DNAH5: variants seen among roughly 807,000 people sequenced by gnomAD.
The protein encoded by DNAH5 is axonemal beta dynein heavy chain 5.
DNAH5 carries 372 observed loss-of-function variants against 518.2 expected under a neutral mutation model. That is an observed-to-expected ratio of 0.72 (90% CI 0.66 to 0.78). DNAH5 has a LOEUF of 0.78. DNAH5 is among the 30% of genes least tolerant of loss of function. The pLI is 0.00. For missense variants in DNAH5, 5,523 were observed against 5,687.0 expected, an observed-to-expected ratio of 0.97 and a Z score of 0.93; for synonymous variants, 2,039 against 2,025.9, an observed-to-expected ratio of 1.01 and a Z score of -0.17.
intron 44 of DNAH5, among the ~76,000 whole-genome samples, chr5:13,811,217 A>C (rs1468051355): frequency 6.6e-6 from 1 of 152,196 alleles, no homozygotes; most frequent in African/African-American, 2.4e-5. Flanking sequence ...TAACACAAAG[A>C]AATGAAGAAT....
At chr5:13,730,988 G>A (rs1011762671) in intron 68 of DNAH5, among the ~76,000 whole-genome samples, 5 of 152,130 alleles carry the variant, frequency 3.3e-5, no homozygotes, top group African/African-American at 9.7e-5. Flanking sequence ...AAAGGCATGA[G>A]CCACCGCGCC....
At position 13,751,060 on chromosome 5, in the gene DNAH5, G is replaced by C. The variant is rs1261321745; in HGVS notation, c.11211+18C>G. 6.2e-7 allele frequency: 1 copy of C among 1,613,222 alleles called. No individual in the cohort carries two copies. The highest frequency in any genetic ancestry group is 1.1e-5 in the South Asian group (1 of 91,064). ...CATTAAAGCAATGCAGAATGGGAGG[G>C]AGCCACACTTCACTCACCTGCTTCT... is the stretch of plus-strand genomic sequence containing the variant. On this transcript the variant is annotated intron_variant, in intron 65 of 78. Coordinates refer to ENST00000265104, the MANE Select transcript of DNAH5 (RefSeq NM_001369.3).
At position 13,735,146 on chromosome 5, in the gene DNAH5, G is replaced by C. The variant is rs748034227; in HGVS notation, c.11746C>G (p.Leu3916Val). Residue 3916 changes from leucine (L) to valine (V), a missense_variant, in exon 68 of 79, where the codon CTC becomes GTC. Leu to Val is a conservative substitution (Grantham distance 32, BLOSUM62 1). Coordinates refer to ENST00000265104, the MANE Select transcript of DNAH5 (RefSeq NM_001369.3). Reference protein sequence around the residue: ...QRNRVKHEEFLTLIKGGASLD... With the variant: ...QRNRVKHEEFVTLIKGGASLD... Reference sequence around the variant, plus strand: ...TTATATTGACCTTTAATAAGAGTGAGAAACTCTTCATGCTTGACTCGGTTC... The same window carrying C: ...TTATATTGACCTTTAATAAGAGTGACAAACTCTTCATGCTTGACTCGGTTC... 1 of 1,614,010 alleles carries C rather than the reference G, an allele frequency of 6.2e-7. No homozygotes were observed. The highest frequency in any genetic ancestry group is 8.5e-7 in the Non-Finnish European group (1 of 1,179,942).
rs116263441 is a variant in DNAH5 at position 13,886,505 on chromosome 5, T to C, written c.2578-376A>G. Among the ~76,000 whole-genome samples, 405 of 152,368 alleles carry C rather than the reference T, an allele frequency of 2.7e-3. 1 individual carries two copies. The highest frequency in any genetic ancestry group is 6.8e-3 in the South Asian group (33 of 4,830). ...CCAACAAACCATAGTCATCCCCTCA[T>C]TAATTTCAAAGACACTACCCACCCT... On this transcript the variant is annotated intron_variant, in intron 17 of 78. Coordinates refer to ENST00000265104, the MANE Select transcript of DNAH5 (RefSeq NM_001369.3).
Position 13,792,123 on chromosome 5 carries a change from T to A in DNAH5, c.8319A>T (p.Leu2773=). The part of the protein sequence containing the change: ...VTKLVPLTRR[L]WQMTKIKMLP... ...GCATTTTAATCTTGGTCATCTGCCA[T>A]AGTCGGCGTGTCAGAGGCACCAATT... is the stretch of plus-strand genomic sequence containing the variant. The change falls in exon 50 of 79, where the codon CTA becomes CTT. Residue 2773 remains leucine, a synonymous_variant. Coordinates refer to ENST00000265104, the MANE Select transcript of DNAH5 (RefSeq NM_001369.3). 6.2e-7 allele frequency: 1 copy of A among 1,614,044 alleles called. No homozygotes were observed. Among genetic ancestry groups the A allele is most frequent in the Non-Finnish European group, 8.5e-7 (1 of 1,179,976 alleles).
chr5:13,923,954 G>A (rs956117050), intron 3 of DNAH5, among the ~76,000 whole-genome samples: 1 of 152,042 alleles, frequency 6.6e-6, no homozygotes, highest in Non-Finnish European at 1.5e-5. Flanking sequence ...GCTGAGGCAG[G>A]AGAATCACTT....
intron 29 of DNAH5, 51 bp from the exon 30 acceptor site, chr5:13,859,656 G>C: frequency 6.4e-7 from 1 of 1,560,742 alleles, no homozygotes; most frequent in Non-Finnish European, 8.8e-7. Flanking sequence ...TTGTGCTGTT[G>C]TTTCAAATTA....
At chr5:13,884,502 C>G (rs1772104171) in intron 19 of DNAH5, among the ~76,000 whole-genome samples, 2 of 152,126 alleles carry the variant, frequency 1.3e-5, no homozygotes, top group Non-Finnish European at 2.9e-5. Context: ...TTGGGATGAT[C>G]AAAGTTCATA....
intron 21 of DNAH5, among the ~76,000 whole-genome samples, chr5:13,879,066 T>C (rs1052596937): frequency 7.2e-5 from 11 of 152,174 alleles, no homozygotes; most frequent in Non-Finnish European, 1.3e-4. Flanking sequence ...GAGAGGCATC[T>C]TGAAATCTCT....
chr5:13,975,340 C>G (rs1782168056), intron 1 of DNAH5, among the ~76,000 whole-genome samples: 1 of 152,148 alleles, frequency 6.6e-6, no homozygotes, highest in African/African-American at 2.4e-5. Flanking sequence ...CACTGGGTCC[C>G]TCCCACAACA....
Position 13,718,916 on chromosome 5 carries a change from T to C in DNAH5, c.12465A>G (p.Gln4155=), listed in dbSNP as rs34924315. Residue 4155 remains glutamine (Q), a synonymous_variant, in exon 72 of 79, where the codon CAA becomes CAG. Transcript: ENST00000265104. ...MSIKFANDPP[Q]GLRAGLKRTY... is the part of the protein sequence containing the mutation. ...TTCTTTTCAGTCCTGCCCGGAGTCCTTGTGGAGGATCGTTGGCAAATTTAA... is the reference window on the plus strand; with the variant it reads ...TTCTTTTCAGTCCTGCCCGGAGTCCCTGTGGAGGATCGTTGGCAAATTTAA... 947 of 1,614,162 alleles carry C rather than the reference T, an allele frequency of 5.9e-4. 2 individuals are homozygous for C. In the African/African-American group the frequency reaches 0.012, roughly 20 times the overall value.
At chr5:13,791,813 TTGAC>T (rs1757041026) in intron 50 of DNAH5, among the ~76,000 whole-genome samples, 177 bp downstream of exon 50, 3 of 152,222 alleles carry the variant, frequency 2.0e-5, no homozygotes, top group South Asian at 2.1e-4. Context: ...GAATTTATCA[TTGAC>T]TGACATTTTC....
At chr5:13,698,997 C>T (rs1411526169) in intron 78 of DNAH5, among the ~76,000 whole-genome samples, 1 of 152,066 alleles carries the variant, frequency 6.6e-6, no homozygotes, top group African/African-American at 2.4e-5. Flanking sequence ...GGCTATCACC[C>T]CTGTTTGCGA....
chr5:13,900,081 G>C (rs1774388747), intron 15 of DNAH5, 125 bp downstream of exon 15: 5 of 880,162 alleles, frequency 5.7e-6, no homozygotes, highest in Non-Finnish European at 9.0e-6. Flanking sequence ...CCATGGCACT[G>C]TCCCCTCAGT....
intron 75 of DNAH5, among the ~76,000 whole-genome samples, chr5:13,713,312 T>C (rs1743795829): frequency 6.8e-6 from 1 of 146,130 alleles, no homozygotes; most frequent in South Asian, 2.1e-4. Flanking sequence ...CATATATATA[T>C]ACCGACATAT....
At chr5:13,978,619 T>C (rs901466651) in intron 1 of DNAH5, among the ~76,000 whole-genome samples, 4 of 152,244 alleles carry the variant, frequency 2.6e-5, no homozygotes, top group East Asian at 1.9e-4. Flanking sequence ...ATGCCTTTTC[T>C]ATGTTTAGAT....
At chr5:13,921,756 C>CCG (rs562419104) in intron 5 of DNAH5, among the ~76,000 whole-genome samples, 1 of 145,156 alleles carries the variant, frequency 6.9e-6, no homozygotes, top group Non-Finnish European at 1.5e-5. Flanking sequence ...ACACACCCCC[C>CCG]CACACACACA....
At chr5:14,005,103 CT>C (rs1043388183) in intron 1 of DNAH5, among the ~76,000 whole-genome samples, 6 of 152,092 alleles carry the variant, frequency 3.9e-5, no homozygotes, top group African/African-American at 1.5e-4. Context: ...TCACTCTCCC[CT>C]GCCCCAGCTG....
Position 13,923,351 on chromosome 5 carries a change from G to A in DNAH5, c.367C>T (p.Leu123Phe), listed in dbSNP as rs148017278. The A allele has an allele frequency of 4.6e-4, 741 of 1,614,062 alleles. 1 individual carries two copies. The highest frequency in any genetic ancestry group is 5.9e-4 in the Non-Finnish European group (701 of 1,180,024). The change falls in exon 4 of 79, where the codon CTT becomes TTT. Residue 123 changes from leucine (L) to phenylalanine (F), a missense_variant. This residue lies in a region of DNAH5 where 5,121 missense variants were observed against 5,223.3 expected (regional missense o/e 0.98). Transcript: ENST00000265104. ...ATGAAGAACACACATACCCCAGTAA[G>A]AGCCACATCGTTTCCCTCGGTCACG... ...VFVTEGNDVA[L>F]TGVCVFFIRT... is the part of the protein sequence containing the mutation.
Sources: allele counts gnomAD v4.1 joint callset (sites outside exome capture counted in the v4.1 genomes callset), GRCh38; gene constraint gnomAD v4.1.1; regional missense constraint gnomAD v4.1.1; transcripts MANE v1.5; gene names NCBI Gene and HGNC (gene_info 2026-07-23, HGNC 2026-07-21).